The following FAAP20 variants were observed in gnomAD, a reference collection of about 807,000 sequenced individuals.
FAAP20 encodes the protein FA core complex associated protein 20.
A neutral mutation model predicts 16.2 loss-of-function variants in FAAP20; 12 were observed. That is an observed-to-expected ratio of 0.74 (90% CI 0.48 to 1.20). The LOEUF is 1.20. FAAP20 is among the 50% of genes most tolerant of loss of function. FAAP20 has a pLI of 0.00. For missense variants in FAAP20, 288 were observed against 245.8 expected (o/e 1.17, Z -1.15); for synonymous variants, 141 against 110.7 (o/e 1.27, Z -1.72).
At chr1:2,198,995 C>T, upstream of FAAP20, 1 of 1,281,350 alleles carries the variant, frequency 7.8e-7, no homozygotes, top group Non-Finnish European at 1.0e-6. Context: ...ACATGGGGTG[C>T]AAGAGTAGGG....
intron 1 of FAAP20, 152 bp from the exon 2 acceptor site, chr1:2,194,285 GA>G: frequency 1.1e-6 from 1 of 887,036 alleles, no homozygotes; most frequent in Non-Finnish European, 1.6e-6. Context: ...AGGGTTGGGG[GA>G]AGGGCTGCTG....
At position 2,194,108 on chromosome 1, in the gene FAAP20, G is replaced by T. The variant is rs774576456; in HGVS notation, c.88C>A (p.Leu30Ile). The T allele has an allele frequency of 6.2e-7, 1 of 1,612,456 alleles. No individual in the cohort carries two copies. Among genetic ancestry groups the T allele is most frequent in the South Asian group, 1.1e-5 (1 of 91,074 alleles). The change falls in exon 2 of 4, where the codon CTC becomes ATC. Residue 30 changes from leucine (L) to isoleucine (I), a missense_variant. Transcript: ENST00000378546. ...CGCTCCCGCTCATCACCCCCCAGGA[G>T]AAACCAGGGGCGGCCGCCAGAAGGC... is the stretch of plus-strand genomic sequence containing the variant. ...GGPSGGRPWF[L>I]LGGDERERLW...
At chr1:2,208,028 G>A (rs532060169), downstream of FAAP20, among the ~76,000 whole-genome samples, 9 of 152,280 alleles carry the variant, frequency 5.9e-5, no homozygotes, top group Non-Finnish European at 8.8e-5. Flanking sequence ...GTGGACATGC[G>A]TGCGGTGTTT....
chr1:2,200,876 G>A, upstream of FAAP20: 2 of 1,082,190 alleles, frequency 1.8e-6, no homozygotes, highest in Non-Finnish European at 2.3e-6. Context: ...GGTGGAGAGG[G>A]TGGCTGGGAC....
At chr1:2,204,281 G>A (rs750935450), upstream of FAAP20, among the ~76,000 whole-genome samples, 7 of 152,398 alleles carry the variant, frequency 4.6e-5, no homozygotes, top group South Asian at 1.4e-3. Flanking sequence ...AGCATCGTGA[G>A]CCGTGGTCTG....
chr1:2,185,862 A>G (rs1687516732), downstream of FAAP20: 1 of 386,610 alleles, frequency 2.6e-6, no homozygotes. Context: ...GAGTTAGGGA[A>G]AACTAAAAGA....
chr1:2,184,892 C>T (rs778205741), downstream of FAAP20: 3 of 1,588,030 alleles, frequency 1.9e-6, no homozygotes, highest in African/African-American at 2.7e-5. Context: ...ACACGGTCAC[C>T]CCCCTCCCCC....
rs905518809 is a variant in FAAP20, at chr1:2,193,834, G to A, written c.275C>T (p.Pro92Leu). 2 of 1,611,690 alleles carry A rather than the reference G, an allele frequency of 1.2e-6. No homozygotes were observed. Among genetic ancestry groups the A allele is most frequent in the Non-Finnish European group, 1.7e-6 (2 of 1,179,626 alleles). The part of the protein sequence containing the change: ...PKTFSWTPFP[P>L]DLWGPGRSYR... The stretch of plus-strand genomic sequence containing the variant: ...GGAACGGCCCGGGCCCCACAGGTCC[G>A]GCGGAAAGGGTGTCCAGGAAAAGGT... Residue 92 changes from proline (P) to leucine (L), a missense_variant, in exon 3 of 4, where the codon CCG becomes CTG. By Grantham distance (98) the Pro-to-Leu change is moderately conservative (BLOSUM62 -3). Coordinates refer to ENST00000378546, the MANE Select transcript of FAAP20 (RefSeq NM_182533.4).
downstream of FAAP20, chr1:2,184,527 A>T (rs373967833): frequency 1.0e-5 from 14 of 1,356,926 alleles, no homozygotes; most frequent in East Asian, 1.4e-4. Context: ...AAAACACTCA[A>T]TCTGGTAGGG....
At chr1:2,209,421 C>A (rs1280669971), downstream of FAAP20, among the ~76,000 whole-genome samples, 2 of 152,242 alleles carry the variant, frequency 1.3e-5, no homozygotes, top group African/African-American at 4.8e-5. Flanking sequence ...AGGAAGCTGC[C>A]AGCTCTCTAG....
intron 3 of FAAP20, 155 bp downstream of exon 3, chr1:2,193,484 T>A (rs1688482744): frequency 5.7e-6 from 7 of 1,226,332 alleles, no homozygotes; most frequent in Non-Finnish European, 7.7e-6. Context: ...GAGAGCCACC[T>A]GGACATGCCA....
chr1:2,209,171 C>A (rs1045362642), downstream of FAAP20, among the ~76,000 whole-genome samples: 5 of 152,066 alleles, frequency 3.3e-5, no homozygotes, highest in African/African-American at 1.2e-4. Flanking sequence ...ACCACTCCGT[C>A]CCCCACCTGC....
At chr1:2,193,294 C>T (rs560570830) in intron 3 of FAAP20, 343 of 479,892 alleles carry the variant, frequency 7.1e-4, no homozygotes, top group African/African-American at 1.6e-3. Context: ...AAACCCATGA[C>T]GCACTCTCGG....
downstream of FAAP20, among the ~76,000 whole-genome samples, chr1:2,189,083 A>C (rs1338589047): frequency 6.6e-6 from 1 of 151,350 alleles, no homozygotes; most frequent in Non-Finnish European, 1.5e-5. Context: ...TAATCCCAGC[A>C]CTTCAGGAAG....
downstream of FAAP20, chr1:2,186,839 T>G: frequency 6.0e-6 from 1 of 166,526 alleles, no homozygotes; most frequent in South Asian, 1.3e-4. Flanking sequence ...GGCACTTACC[T>G]AAATACTGCC....
At chr1:2,197,560 G>T (rs1240683796), upstream of FAAP20, among the ~76,000 whole-genome samples, 1 of 152,230 alleles carries the variant, frequency 6.6e-6, no homozygotes, top group Non-Finnish European at 1.5e-5. Flanking sequence ...AGCCACCCCA[G>T]TGGGCCTCAT....
At chr1:2,211,606 C>T (rs1689449617), downstream of FAAP20, among the ~76,000 whole-genome samples, 1 of 150,498 alleles carries the variant, frequency 6.6e-6, no homozygotes, top group Non-Finnish European at 1.5e-5. Context: ...CGCCACCACG[C>T]CCGGCTAATT....
At position 2,193,766 on chromosome 1, in the gene FAAP20, C is replaced by G. The variant is rs200413325; in HGVS notation, c.343G>C (p.Ala115Pro). 4 of 1,594,172 alleles carry G rather than the reference C, an allele frequency of 2.5e-6. No individual in the cohort carries two copies. In the South Asian group the frequency reaches 4.5e-5, roughly 18 times the overall value. The part of the protein sequence containing the change: ...HGAGGHLESP[A>P]RSLPQRPAPD... Reference sequence around the variant, plus strand: ...GCCGGGCGCTGGGGCAGGGACCTGGCGGGGGATTCCAGGTGCCCTCCTGCC... The same window carrying G: ...GCCGGGCGCTGGGGCAGGGACCTGGGGGGGGATTCCAGGTGCCCTCCTGCC... Residue 115 changes from alanine (A) to proline (P), a missense_variant, in exon 3 of 4, where the codon GCC becomes CCC. Ala to Pro is a conservative substitution (Grantham distance 27, BLOSUM62 -1). Coordinates refer to ENST00000378546, the MANE Select transcript of FAAP20 (RefSeq NM_182533.4).
upstream of FAAP20, among the ~76,000 whole-genome samples, chr1:2,202,016 C>CAAAA (rs759592309): frequency 1.6e-5 from 1 of 61,832 alleles, no homozygotes; most frequent in Non-Finnish European, 3.4e-5. Context: ...GACTCTGTCT[C>CAAAA]AAAAAAAAAA....
Sources: gnomAD v4.1 joint callset for allele counts (sites outside exome capture counted in the v4.1 genomes callset) on GRCh38, gnomAD v4.1.1 for gene constraint, MANE v1.5 for transcripts, NCBI Gene and HGNC (gene_info 2026-07-23, HGNC 2026-07-21) for gene names.